RUNX1: variants seen among roughly 807,000 people sequenced by gnomAD.
The protein encoded by RUNX1 is RUNX family transcription factor 1.
In RUNX1, 19 loss-of-function variants were observed where a neutral mutation model predicts 42.8. That is an observed-to-expected ratio of 0.44 (90% CI 0.31 to 0.65). RUNX1 has a LOEUF of 0.65. Ranked by LOEUF, RUNX1 falls within the 30% of genes least tolerant of loss-of-function variation. The pLI is 0.07. For synonymous variants in RUNX1, 271 were observed against 289.4 expected (o/e 0.94, Z 0.64); for missense variants, 528 against 672.0 (o/e 0.79, Z 2.37).
At chr21:34,904,594 T>G (rs2058202903) in intron 2 of RUNX1, among the ~76,000 whole-genome samples, 1 of 152,206 alleles carries the variant, frequency 6.6e-6, no homozygotes, top group African/African-American at 2.4e-5. Flanking sequence ...GCACTAATCT[T>G]AAGTAACTAC....
rs1235495225 is a variant in RUNX1, at chr21:34,799,377, G to A, written c.891C>T (p.His297=). The A allele has an allele frequency of 6.2e-7, 1 of 1,614,224 alleles. No homozygotes were observed. Among genetic ancestry groups the A allele is most frequent in the South Asian group, 1.1e-5 (1 of 91,088 alleles). ...YLGSIASPSV[H]PATPISPGRA... ...GTCCAGGTGAAATGGGCGTTGCTGG[G>A]TGCACAGAAGGAGAGGCAATGGATC... is the stretch of plus-strand genomic sequence containing the variant. Residue 297 remains histidine, a synonymous_variant, in exon 8 of 9, where the codon CAC becomes CAT. Coordinates refer to ENST00000675419, the MANE Select transcript of RUNX1 (RefSeq NM_001754.5).
intron 2 of RUNX1, among the ~76,000 whole-genome samples, chr21:34,985,030 C>T (rs1169660313): frequency 6.6e-6 from 1 of 152,114 alleles, no homozygotes; most frequent in Non-Finnish European, 1.5e-5. Context: ...ATTGAGTATT[C>T]AGTGCACAGG....
intron 5 of RUNX1, among the ~76,000 whole-genome samples, chr21:34,867,973 G>A (rs1310611201): frequency 6.6e-6 from 1 of 152,126 alleles, no homozygotes; most frequent in Non-Finnish European, 1.5e-5. Context: ...GCCCCTAGCC[G>A]GGTGCCTCAA....
chr21:34,984,039 T>TAAGGCCAGCACCCAGAAATGGGCTG (rs2058866724), intron 2 of RUNX1, among the ~76,000 whole-genome samples: 1 of 151,942 alleles, frequency 6.6e-6, no homozygotes. Context: ...CAATTGAAAA[T>TAAGGCCAGCACCCAGAAATGGGCTG]AAGGCCAGCA....
intron 7 of RUNX1, among the ~76,000 whole-genome samples, chr21:34,814,359 C>T (rs1009958279): frequency 6.6e-5 from 10 of 152,240 alleles, no homozygotes; most frequent in East Asian, 1.9e-4. Flanking sequence ...AAGCAGACGG[C>T]GACAGGGATC....
chr21:34,849,269 A>AAG (rs1310489439), intron 6 of RUNX1, among the ~76,000 whole-genome samples: 2 of 78,458 alleles, frequency 2.5e-5, no homozygotes, highest in South Asian at 7.7e-4. Context: ...TATATATATA[A>AAG]TATATATATA....
chr21:34,902,158 T>G (rs1176602490), intron 2 of RUNX1, among the ~76,000 whole-genome samples: 1 of 152,240 alleles, frequency 6.6e-6, no homozygotes, highest in African/African-American at 2.4e-5. Context: ...TTATTTGGAT[T>G]CTTTGTGTTT....
intron 2 of RUNX1, among the ~76,000 whole-genome samples, chr21:34,930,655 T>C (rs1414853201): frequency 6.6e-6 from 1 of 151,570 alleles, no homozygotes; most frequent in Non-Finnish European, 1.5e-5. Context: ...TCATATTGAG[T>C]TCTTCAATTG....
chr21:34,869,704 C>T (rs1004521643), intron 5 of RUNX1, among the ~76,000 whole-genome samples: 16 of 152,142 alleles, frequency 1.1e-4, no homozygotes, highest in African/African-American at 3.4e-4. Flanking sequence ...GCGGAACATC[C>T]GGAAGTCCTC....
intron 2 of RUNX1, among the ~76,000 whole-genome samples, chr21:35,009,921 C>A (rs928161331): frequency 6.6e-6 from 1 of 152,082 alleles, no homozygotes; most frequent in African/African-American, 2.4e-5. Flanking sequence ...GACCATATGC[C>A]ACTTGCAAGC....
chr21:34,839,313 A>G (rs1456810455), intron 6 of RUNX1, among the ~76,000 whole-genome samples: 2 of 150,648 alleles, frequency 1.3e-5, no homozygotes, highest in African/African-American at 5.0e-5. Flanking sequence ...ACACACTCAG[A>G]TATGTACACT....
intron 2 of RUNX1, among the ~76,000 whole-genome samples, chr21:34,957,617 T>G (rs1351891907): frequency 6.6e-6 from 1 of 152,166 alleles, no homozygotes; most frequent in Non-Finnish European, 1.5e-5. Flanking sequence ...AACAGGGTGA[T>G]AGACTGAAGA....
At chr21:34,949,429 C>T (rs1160232306) in intron 2 of RUNX1, among the ~76,000 whole-genome samples, 2 of 152,186 alleles carry the variant, frequency 1.3e-5, no homozygotes, top group African/African-American at 4.8e-5. Flanking sequence ...TTTAAAAATA[C>T]AATTTTCTGT....
At chr21:34,876,111 T>TG (rs1484630384) in intron 5 of RUNX1, among the ~76,000 whole-genome samples, 1 of 152,222 alleles carries the variant, frequency 6.6e-6, no homozygotes, top group African/African-American at 2.4e-5. Flanking sequence ...AACGCCATCC[T>TG]GACAGGCCAC....
chr21:34,976,759 A>C (rs1023177722), intron 2 of RUNX1, among the ~76,000 whole-genome samples: 47 of 152,188 alleles, frequency 3.1e-4, no homozygotes, highest in African/African-American at 1.0e-3. Flanking sequence ...GATCAGTTAC[A>C]TGTTGGTTAT....
intron 2 of RUNX1, among the ~76,000 whole-genome samples, chr21:34,934,685 G>A (rs901782344): frequency 6.6e-6 from 1 of 152,168 alleles, no homozygotes; most frequent in Non-Finnish European, 1.5e-5. Context: ...GAGCATCTTT[G>A]TGGACACTGG....
intron 2 of RUNX1, among the ~76,000 whole-genome samples, chr21:35,045,531 C>T (rs1369811288): frequency 6.6e-6 from 1 of 152,130 alleles, no homozygotes; most frequent in Non-Finnish European, 1.5e-5. Flanking sequence ...GATACAGACA[C>T]ACACAGAGGG....
intron 7 of RUNX1, among the ~76,000 whole-genome samples, chr21:34,816,765 G>A (rs1243468353): frequency 6.6e-6 from 1 of 152,122 alleles, no homozygotes; most frequent in East Asian, 1.9e-4. Context: ...GACTGGTCAT[G>A]GGTGTTCAGA....
At chr21:34,900,954 T>C (rs1388204917) in intron 2 of RUNX1, among the ~76,000 whole-genome samples, 1 of 152,186 alleles carries the variant, frequency 6.6e-6, no homozygotes. Context: ...TTTTGAAATA[T>C]AGCATATAAA....
Sources: gnomAD v4.1 joint callset for allele counts (sites outside exome capture counted in the v4.1 genomes callset) on GRCh38, gnomAD v4.1.1 for gene constraint, MANE v1.5 for transcripts, NCBI Gene and HGNC (gene_info 2026-07-23, HGNC 2026-07-21) for gene names.